Variants in OSBPL8 observed in about 807,000 individuals in gnomAD.
The protein encoded by OSBPL8 is oxysterol-binding protein-related protein 8.
OSBPL8 carries 59 observed loss-of-function variants against 125.5 expected under a neutral mutation model. That is an observed-to-expected ratio of 0.47 (90% CI 0.38 to 0.58). OSBPL8 has a LOEUF of 0.58. Among genes scored for constraint, OSBPL8 ranks in the 20% least tolerant of loss-of-function variants. The pLI, the probability that OSBPL8 is intolerant of heterozygous loss-of-function variation, is 0.00. For synonymous variants in OSBPL8, 330 were observed against 338.9 expected, an observed-to-expected ratio of 0.97 and a Z score of 0.29; for missense variants, 758 against 1,047.8, an observed-to-expected ratio of 0.72 and a Z score of 3.82.
chr12:76,555,502 A>G (rs1012353565), intron 1 of OSBPL8, among the ~76,000 whole-genome samples: 1 of 152,210 alleles, frequency 6.6e-6, no homozygotes, highest in Non-Finnish European at 1.5e-5. Flanking sequence ...TGATAAACGA[A>G]TCAAAATATG....
chr12:76,396,173 T>C (rs371541593), intron 8 of OSBPL8, among the ~76,000 whole-genome samples: 2 of 152,074 alleles, frequency 1.3e-5, no homozygotes, highest in East Asian at 3.9e-4. Context: ...GGTTAAATTC[T>C]TTCCCCTGCA....
At chr12:76,503,121 T>C (rs565506147) in intron 1 of OSBPL8, among the ~76,000 whole-genome samples, 30 of 152,336 alleles carry the variant, frequency 2.0e-4, no homozygotes, top group African/African-American at 7.0e-4. Flanking sequence ...GACTTTGTTA[T>C]TGTCTTTGTT....
chr12:76,545,270 A>T (rs1044125434), intron 1 of OSBPL8, among the ~76,000 whole-genome samples: 3 of 152,228 alleles, frequency 2.0e-5, no homozygotes, highest in African/African-American at 7.2e-5. Flanking sequence ...TTTAAGTTAC[A>T]GCTAAAACTA....
chr12:76,500,937 C>T, intron 1 of OSBPL8, among the ~76,000 whole-genome samples: 1 of 152,186 alleles, frequency 6.6e-6, no homozygotes, highest in East Asian at 1.9e-4. Context: ...ATAAGCAGTT[C>T]AGTTACTACT....
chr12:76,556,944 G>A (rs1951121831), intron 1 of OSBPL8, among the ~76,000 whole-genome samples: 1 of 152,248 alleles, frequency 6.6e-6, no homozygotes, highest in Non-Finnish European at 1.5e-5. Flanking sequence ...CATTACAGGC[G>A]TGAGCCACCG....
intron 1 of OSBPL8, among the ~76,000 whole-genome samples, chr12:76,541,460 A>C (rs1950643625): frequency 6.6e-6 from 1 of 152,088 alleles, no homozygotes; most frequent in African/African-American, 2.4e-5. Context: ...CCTGGGTGAC[A>C]CAGAGCAAGA....
At chr12:76,474,034 G>A (rs947458891) in intron 2 of OSBPL8, among the ~76,000 whole-genome samples, 12 of 152,096 alleles carry the variant, frequency 7.9e-5, no homozygotes, top group African/African-American at 2.9e-4. Flanking sequence ...TTCCCCTAAT[G>A]CAGCCAACAG....
chr12:76,434,052 CAAG>C (rs1290873130), intron 4 of OSBPL8, among the ~76,000 whole-genome samples: 1 of 149,922 alleles, frequency 6.7e-6, no homozygotes, highest in Non-Finnish European at 1.5e-5. Flanking sequence ...AAATCTTGAT[CAAG>C]AAGAAGAAAG....
rs539647113 is a variant in OSBPL8, at chr12:76,382,164, T to C, written c.1630+2090A>G. ...TGGGCCATTAAGACTGATACAATCATATTATTGGGTTTTAGTCTATCATTT... is the reference window on the plus strand; with the variant it reads ...TGGGCCATTAAGACTGATACAATCACATTATTGGGTTTTAGTCTATCATTT... On this transcript the variant is annotated intron_variant, in intron 15 of 23. Transcript: ENST00000261183. Among the ~76,000 whole-genome samples, 16 of 152,348 alleles carry C rather than the reference T, an allele frequency of 1.1e-4. No individual in the cohort carries two copies. In the South Asian group the frequency reaches 3.3e-3, roughly 32 times the overall value.
At chr12:76,443,794 A>G (rs1384042829) in intron 4 of OSBPL8, among the ~76,000 whole-genome samples, 1 of 152,218 alleles carries the variant, frequency 6.6e-6, no homozygotes, top group Non-Finnish European at 1.5e-5. Context: ...GGCATGAGAC[A>G]CTGCACCCGG....
In OSBPL8 at chr12:76,386,586, T is replaced by C. The variant is rs1953322858; in HGVS notation, c.1427A>G (p.Lys476Arg). 6.3e-7 allele frequency: 1 copy of C among 1,597,998 alleles called. No homozygotes were observed. Among genetic ancestry groups the C allele is most frequent in the African/African-American group, 1.3e-5 (1 of 74,402 alleles). ...VKWYLSGFYK[K>R]PKGLKKPYNP... ...GTAAACAAACATTATTACCTTTGGC[T>C]TTTTATAGAATCCTGACAAATACCA... The change falls in exon 13 of 24, where the codon AAG (lysine) becomes AGG (arginine). Residue 476 changes from lysine to arginine, a missense_variant. Lys to Arg is a conservative substitution (Grantham distance 26). Coordinates refer to ENST00000261183, the MANE Select transcript of OSBPL8 (RefSeq NM_020841.5).
intron 1 of OSBPL8, among the ~76,000 whole-genome samples, chr12:76,539,381 A>C (rs1190901036): frequency 2.6e-5 from 4 of 152,206 alleles, no homozygotes; most frequent in African/African-American, 9.6e-5. Flanking sequence ...AGGTAACAAG[A>C]AAATATTAGA....
chr12:76,558,557 CAT>C (rs1184886700), intron 1 of OSBPL8, among the ~76,000 whole-genome samples: 1 of 152,220 alleles, frequency 6.6e-6, no homozygotes, highest in Non-Finnish European at 1.5e-5. Flanking sequence ...TTATTTAATG[CAT>C]ATATACTTAC....
intron 2 of OSBPL8, among the ~76,000 whole-genome samples, chr12:76,467,189 C>T (rs919772322): frequency 6.6e-6 from 1 of 152,054 alleles, no homozygotes; most frequent in African/African-American, 2.4e-5. Context: ...TCTGCTCTGG[C>T]TTCCCTTCTA....
chr12:76,474,659 T>C (rs1469475732), intron 2 of OSBPL8, among the ~76,000 whole-genome samples: 2 of 152,080 alleles, frequency 1.3e-5, no homozygotes, highest in Admixed American at 6.5e-5. Context: ...TGTTTTTTAT[T>C]ATTTGTAGAA....
intron 1 of OSBPL8, among the ~76,000 whole-genome samples, chr12:76,531,910 A>C (rs2137345726): frequency 6.6e-6 from 1 of 151,872 alleles, no homozygotes; most frequent in Non-Finnish European, 1.5e-5. Flanking sequence ...GGTGGTGGGC[A>C]CCTGTAGTCC....
chr12:76,456,145 T>C (rs1874013525), intron 3 of OSBPL8, among the ~76,000 whole-genome samples: 2 of 152,226 alleles, frequency 1.3e-5, no homozygotes, highest in South Asian at 4.1e-4. Context: ...AGTTTGCCTT[T>C]AATCTAAGTG....
chr12:76,490,036 A>G lies in OSBPL8; in HGVS notation c.-67-2418T>C, dbSNP rs565497393. Among the ~76,000 whole-genome samples the G allele has an allele frequency of 1.2e-4, 18 of 152,342 alleles. No homozygotes were observed. The East Asian group carries it at 3.5e-3, about 29-fold the overall frequency. ...AAGTTGCTACTGATGTGGCGAAAAT[A>G]GCAAGACAACTAGAATTAGAAGTGG... On this transcript the variant is annotated intron_variant, in intron 1 of 23. Transcript: ENST00000261183.
chr12:76,420,530 G>A (rs1157431685), intron 4 of OSBPL8, among the ~76,000 whole-genome samples: 1 of 151,960 alleles, frequency 6.6e-6, no homozygotes, highest in African/African-American at 2.4e-5. Flanking sequence ...AAAAGGTTAT[G>A]CTGACGTATT....
Sources: allele counts gnomAD v4.1 joint callset (sites outside exome capture counted in the v4.1 genomes callset), GRCh38; gene constraint gnomAD v4.1.1; transcripts MANE v1.5; gene names NCBI Gene and HGNC (gene_info 2026-07-23, HGNC 2026-07-21).